COL4A4: variants seen among roughly 807,000 people sequenced by gnomAD.
The protein encoded by COL4A4 is collagen alpha-4(IV) chain.
A neutral mutation model predicts 192.9 loss-of-function variants in COL4A4; 105 were observed. That is an observed-to-expected ratio of 0.54 (90% CI 0.46 to 0.64). The LOEUF is 0.64. Among genes scored for constraint, COL4A4 ranks in the 30% least tolerant of loss-of-function variants. The pLI is 0.00. For synonymous variants in COL4A4, 762 were observed against 769.9 expected (o/e 0.99, Z 0.17); for missense variants, 1,967 against 2,169.3 (o/e 0.91, Z 1.85).
At chr2:227,041,915 A>AAAGAAAGAAAGG (rs1491233352) in intron 37 of COL4A4, among the ~76,000 whole-genome samples, 22 of 150,986 alleles carry the variant, frequency 1.5e-4, no homozygotes, top group African/African-American at 5.1e-4. Context: ...AGAAAGAAAG[A>AAAGAAAGAAAGG]AAGAAAGAAA....
intron 1 of COL4A4, among the ~76,000 whole-genome samples, chr2:227,160,796 T>C (rs2064765761): frequency 1.3e-5 from 2 of 152,162 alleles, no homozygotes; most frequent in East Asian, 1.9e-4. Flanking sequence ...CAGATGATAG[T>C]GCAAGGCAGG....
At chr2:226,984,132 G>T in the COL4A4 span, among the ~76,000 whole-genome samples, 1 of 152,352 alleles carries the variant, frequency 6.6e-6, no homozygotes, top group East Asian at 1.9e-4. Flanking sequence ...TCTGTTCACC[G>T]CTCTGATCAC....
intron 20 of COL4A4, among the ~76,000 whole-genome samples, chr2:227,093,825 G>T (rs1205335476): frequency 6.6e-6 from 1 of 151,860 alleles, no homozygotes; most frequent in African/African-American, 2.4e-5. Context: ...TAAACCCACC[G>T]GGCAGTCACA....
chr2:227,062,630 T>C (rs544082578), intron 25 of COL4A4, 32 bp from the exon 26 acceptor site: 2 of 1,479,316 alleles, frequency 1.4e-6, no homozygotes, highest in African/African-American at 1.4e-5. Flanking sequence ...GGCATTCACA[T>C]AACTGATAGC....
chr2:227,023,678 G>T (rs544948278), intron 43 of COL4A4, among the ~76,000 whole-genome samples: 2 of 152,244 alleles, frequency 1.3e-5, no homozygotes, highest in Non-Finnish European at 1.5e-5. Flanking sequence ...CTCCCGAGAA[G>T]ACTGTGTATG....
rs137922499 is a variant in COL4A4 at position 227,006,747 on chromosome 2, T to C, written c.*578A>G. 6.7e-6 allele frequency: 1 copy of C among 148,618 alleles called. No individual in the cohort carries two copies. Among genetic ancestry groups the C allele is most frequent in the Non-Finnish European group, 1.4e-5 (1 of 69,026 alleles). 9.2% of individuals were successfully genotyped at this position (148,618 alleles called of 1,614,324 possible). On this transcript the variant is annotated 3_prime_UTR_variant, in exon 48 of 48. Coordinates refer to ENST00000396625, the MANE Select transcript of COL4A4 (RefSeq NM_000092.5). ...CTCCTTTGAAAGGAACTGTTAACGCTGGCAGTGTGAATTTTTTTTTTTCTT... is the reference window on the plus strand; with the variant it reads ...CTCCTTTGAAAGGAACTGTTAACGCCGGCAGTGTGAATTTTTTTTTTTCTT...
At chr2:227,103,336 C>T (rs1476618554) in intron 13 of COL4A4, 139 bp from the exon 14 acceptor site, 2 of 695,004 alleles carry the variant, frequency 2.9e-6, no homozygotes, top group Non-Finnish European at 5.0e-6. Flanking sequence ...TTCACCTGTT[C>T]TAATTAGCAC....
intron 19 of COL4A4, among the ~76,000 whole-genome samples, chr2:227,095,925 T>C (rs1006669123): frequency 4.6e-5 from 7 of 151,964 alleles, no homozygotes; most frequent in South Asian, 4.2e-4. Context: ...AAAAAAAAGA[T>C]AGCCGGAAGC....
At chr2:226,995,289 T>C in the COL4A4 span, 7 of 649,310 alleles carry the variant, frequency 1.1e-5, no homozygotes, top group Admixed American at 1.2e-4. Flanking sequence ...ACAGCTGAAG[T>C]TGAAAAATCT....
chr2:227,043,216 C>T (rs1286828106), intron 35 of COL4A4, 32 bp from the exon 36 acceptor site: 1 of 1,539,828 alleles, frequency 6.5e-7, no homozygotes, highest in East Asian at 2.2e-5. Flanking sequence ...ATCAGAGTTG[C>T]CGTTTGAGAC....
chr2:227,153,898 T>A (rs2064137176), intron 1 of COL4A4, among the ~76,000 whole-genome samples: 1 of 152,090 alleles, frequency 6.6e-6, no homozygotes, highest in African/African-American at 2.4e-5. Context: ...TGACATAAAG[T>A]CTTACGTCAA....
chr2:227,076,105 T>C (rs987550196), intron 25 of COL4A4, among the ~76,000 whole-genome samples: 15 of 152,116 alleles, frequency 9.9e-5, no homozygotes, highest in Non-Finnish European at 1.8e-4. Context: ...CAAGCTATCA[T>C]TGACTTTCTT....
In COL4A4 at chr2:227,013,259, C is replaced by A. The variant is rs139859857; in HGVS notation, c.4217-962G>T. Among the ~76,000 whole-genome samples the A allele has an allele frequency of 1.7e-4, 26 of 152,176 alleles. No homozygotes were observed. In the East Asian group the frequency reaches 5.0e-3, roughly 29 times the overall value. On this transcript the variant is annotated intron_variant, in intron 44 of 47. Coordinates refer to ENST00000396625, the MANE Select transcript of COL4A4 (RefSeq NM_000092.5). ...CAGGTTTCCAGTCTCTACTTGTTTT[C>A]TATTCTCTTTCTCTCTTTCTCTCTC...
At chr2:227,094,935 A>G (rs1443704413) in intron 19 of COL4A4, among the ~76,000 whole-genome samples, 12 of 152,240 alleles carry the variant, frequency 7.9e-5, no homozygotes, top group Admixed American at 7.8e-4. Context: ...TTGCTTTTCC[A>G]CAGAACAGAT....
intron 44 of COL4A4, among the ~76,000 whole-genome samples, chr2:227,019,343 T>G (rs917340732): frequency 2.0e-5 from 3 of 152,228 alleles, no homozygotes; most frequent in African/African-American, 7.2e-5. Flanking sequence ...TGCAACTATT[T>G]TGGGGACCTT....
intron 14 of COL4A4, 21 bp downstream of exon 14, chr2:227,103,123 A>G: frequency 5.0e-6 from 8 of 1,600,406 alleles, no homozygotes; most frequent in Non-Finnish European, 6.8e-6. Context: ...TGAAAAAAAA[A>G]AAGGTACTTA....
chr2:227,116,867 A>G (rs2061517687), intron 7 of COL4A4, among the ~76,000 whole-genome samples: 1 of 152,204 alleles, frequency 6.6e-6, no homozygotes, highest in Admixed American at 6.5e-5. Flanking sequence ...TCCTCAAAAC[A>G]TAAAAGACAT....
At chr2:227,073,614 C>T (rs2058844879) in intron 25 of COL4A4, among the ~76,000 whole-genome samples, 1 of 152,048 alleles carries the variant, frequency 6.6e-6, no homozygotes, top group Non-Finnish European at 1.5e-5. Flanking sequence ...AAGAACAAAT[C>T]TGGAGACATC....
At chr2:226,976,656 G>T in the COL4A4 span, among the ~76,000 whole-genome samples, 1 of 152,112 alleles carries the variant, frequency 6.6e-6, no homozygotes, top group African/African-American at 2.4e-5. Context: ...CACACATCAG[G>T]CTATTGTCTC....
Sources: allele counts gnomAD v4.1 joint callset (sites outside exome capture counted in the v4.1 genomes callset), GRCh38; gene constraint gnomAD v4.1.1; transcripts MANE v1.5; gene names NCBI Gene and HGNC (gene_info 2026-07-23, HGNC 2026-07-21).